Variants in SPATA17 observed in about 807,000 individuals in gnomAD.
SPATA17 encodes the protein spermatogenesis-associated protein 17.
SPATA17 carries 53 observed loss-of-function variants against 62.2 expected under a neutral mutation model. The observed-to-expected ratio is 0.85, with a 90% CI of 0.68 to 1.07. SPATA17 has a LOEUF of 1.07. SPATA17 is among the 50% of genes least tolerant of loss of function. The pLI is 0.00. For synonymous variants in SPATA17, 146 were observed against 146.8 expected (o/e 0.99, Z 0.04); for missense variants, 466 against 425.5 (o/e 1.10, Z -0.84).
intron 5 of SPATA17, among the ~76,000 whole-genome samples, chr1:217,685,122 C>T (rs1485912203): frequency 4.6e-5 from 7 of 151,960 alleles, no homozygotes; most frequent in African/African-American, 1.2e-4. Flanking sequence ...AGAAGAAATA[C>T]GTGCAGGGCT....
At chr1:217,800,351 G>A (rs1481867161) in intron 8 of SPATA17, among the ~76,000 whole-genome samples, 1 of 151,382 alleles carries the variant, frequency 6.6e-6, no homozygotes, top group Non-Finnish European at 1.5e-5. Flanking sequence ...TCTTCTGAAG[G>A]ATATAAGTCC....
intron 9 of SPATA17, among the ~76,000 whole-genome samples, chr1:217,802,267 C>T (rs905057215): frequency 6.6e-6 from 1 of 152,088 alleles, no homozygotes; most frequent in African/African-American, 2.4e-5. Flanking sequence ...TTATATAAAA[C>T]ATGATGTATA....
intron 3 of SPATA17, among the ~76,000 whole-genome samples, chr1:217,666,907 G>A (rs941463010): frequency 8.5e-5 from 13 of 152,094 alleles, no homozygotes; most frequent in Non-Finnish European, 1.6e-4. Context: ...ACTTAAGAAT[G>A]ATATGTGAGA....
At chr1:217,680,922 TAA>T (rs71166016) in intron 4 of SPATA17, among the ~76,000 whole-genome samples, 4,005 of 58,044 alleles carry the variant, frequency 0.069, 162 homozygotes, top group African/African-American at 0.15. Flanking sequence ...GAGACTCTGT[TAA>T]AAAAAAAAAA....
rs980737530 is a variant in SPATA17 at position 217,850,350 on chromosome 1, A to G, written c.1006-12424A>G. The G allele has an allele frequency of 7.7e-6, 5 of 650,112 alleles. No individual in the cohort carries two copies. In the Admixed American group the frequency reaches 8.2e-5, roughly 11 times the overall value. The allele number at this position is 650,112 out of a possible 1,614,324, so 40.3% of individuals were successfully genotyped here. On this transcript the variant is annotated intron_variant, in intron 9 of 10. Transcript: ENST00000366933. Reference sequence around the variant, plus strand: ...TAAACTTAAGTGGGGGCAGATGGCTATAGTGCAGTGTAATGCCATCACTGA... The same window carrying G: ...TAAACTTAAGTGGGGGCAGATGGCTGTAGTGCAGTGTAATGCCATCACTGA...
At chr1:217,843,941 A>G (rs1675467483) in intron 9 of SPATA17, among the ~76,000 whole-genome samples, 1 of 152,150 alleles carries the variant, frequency 6.6e-6, no homozygotes, top group Non-Finnish European at 1.5e-5. Flanking sequence ...ATGGAATATA[A>G]GTAAAAAGTG....
chr1:217,636,890 T>G (rs543649623), intron 1 of SPATA17, among the ~76,000 whole-genome samples: 2 of 152,336 alleles, frequency 1.3e-5, no homozygotes, highest in South Asian at 2.1e-4. Context: ...ACTTAAAAAT[T>G]TTTAAAACAC....
In SPATA17 at chr1:217,770,978, A is replaced by AATTTTTTTTTTTTTTTTTTTTTTTTTT. The variant is rs1553251071; in HGVS notation, c.520-3356_520-3355insATTTTTTTTTTTTTTTTTTTTTTTTTT. Among the ~76,000 whole-genome samples the AATTTTTTTTTTTTTTTTTTTTTTTTTT allele has an allele frequency of 2.8e-4, 14 of 50,148 alleles. 3 individuals carry two copies. The highest frequency in any genetic ancestry group is 3.9e-4 in the Non-Finnish European group (12 of 30,430). The allele number at this position is 50,148 out of a possible 152,430, so 32.9% of individuals were successfully genotyped here. A position where few individuals can be genotyped will look rare whatever the true frequency, so the allele number is the denominator to read the frequency against. ...ATGTATCTATTATATAACTCATTGC[A>AATTTTTTTTTTTTTTTTTTTTTTTTTT]TTTTTTTTTTTTTTTTTTTTTTTTT... On this transcript the variant is annotated intron_variant, in intron 6 of 10. Coordinates refer to ENST00000366933, the MANE Select transcript of SPATA17 (RefSeq NM_138796.4).
At chr1:217,747,086 C>T (rs1672776580) in intron 6 of SPATA17, among the ~76,000 whole-genome samples, 2 of 151,996 alleles carry the variant, frequency 1.3e-5, no homozygotes, top group South Asian at 2.1e-4. Flanking sequence ...ATCTTTGTCC[C>T]TGTAAAAGTT....
chr1:217,808,812 G>C (rs555623086), intron 9 of SPATA17, among the ~76,000 whole-genome samples: 3 of 150,324 alleles, frequency 2.0e-5, no homozygotes, highest in Non-Finnish European at 4.4e-5. Flanking sequence ...CTGAGATCGC[G>C]CCACTGCACT....
At chr1:217,718,969 C>T (rs774869629) in intron 5 of SPATA17, among the ~76,000 whole-genome samples, 1 of 152,188 alleles carries the variant, frequency 6.6e-6, no homozygotes, top group African/African-American at 2.4e-5. Flanking sequence ...GTCACTTGCT[C>T]ATGAAACTGA....
chr1:217,850,727 C>T, intron 9 of SPATA17: 2 of 910,890 alleles, frequency 2.2e-6, no homozygotes, highest in Non-Finnish European at 3.3e-6. Context: ...AAGCCATTCA[C>T]CCCTCCAGAA....
intron 5 of SPATA17, among the ~76,000 whole-genome samples, chr1:217,719,686 G>A (rs1672081351): frequency 6.6e-6 from 1 of 152,190 alleles, no homozygotes; most frequent in African/African-American, 2.4e-5. Flanking sequence ...CTTTTAAAAT[G>A]AACAAAAGGG....
intron 8 of SPATA17, among the ~76,000 whole-genome samples, chr1:217,788,396 T>C (rs532531963): frequency 1.3e-5 from 2 of 152,160 alleles, no homozygotes; most frequent in East Asian, 3.9e-4. Flanking sequence ...TGCCAAAGAG[T>C]CTACATGTCC....
At chr1:217,779,322 C>T (rs1394155897) in intron 7 of SPATA17, among the ~76,000 whole-genome samples, 2 of 151,632 alleles carry the variant, frequency 1.3e-5, no homozygotes, top group Non-Finnish European at 2.9e-5. Flanking sequence ...ATCTAGCATG[C>T]TACAAAATAA....
At chr1:217,847,909 A>G (rs973629507) in intron 9 of SPATA17, among the ~76,000 whole-genome samples, 3 of 152,034 alleles carry the variant, frequency 2.0e-5, no homozygotes, top group Admixed American at 1.3e-4. Flanking sequence ...GCACACACCT[A>G]TAGTCCTAGC....
intron 9 of SPATA17, among the ~76,000 whole-genome samples, chr1:217,803,688 A>G (rs1013255793): frequency 2.6e-5 from 4 of 152,190 alleles, no homozygotes; most frequent in African/African-American, 9.7e-5. Flanking sequence ...TACAATCCCT[A>G]TCAAAATCCC....
chr1:217,854,206 T>C (rs1328650121), intron 9 of SPATA17, among the ~76,000 whole-genome samples: 2 of 152,178 alleles, frequency 1.3e-5, no homozygotes, highest in African/African-American at 4.8e-5. Flanking sequence ...CAGCAATTGT[T>C]ACAGGCACAT....
intron 6 of SPATA17, among the ~76,000 whole-genome samples, chr1:217,764,174 T>A (rs1404629990): frequency 6.6e-6 from 1 of 152,168 alleles, no homozygotes; most frequent in Non-Finnish European, 1.5e-5. Context: ...TAATGACATA[T>A]ATCCACCATA....
Sources: gnomAD v4.1 joint callset for allele counts (sites outside exome capture counted in the v4.1 genomes callset) on GRCh38, gnomAD v4.1.1 for gene constraint, MANE v1.5 for transcripts, NCBI Gene and HGNC (gene_info 2026-07-23, HGNC 2026-07-21) for gene names.